Variants in DPP10 observed in about 807,000 individuals in gnomAD.
DPP10 encodes inactive dipeptidyl peptidase 10.
A neutral mutation model predicts 120.9 loss-of-function variants in DPP10; 33 were observed. That is an observed-to-expected ratio of 0.27 (90% CI 0.21 to 0.37). The LOEUF (loss-of-function observed/expected upper bound fraction) is 0.37. Among genes scored for constraint, DPP10 ranks in the 10% least tolerant of loss-of-function variants. The probability of loss-of-function intolerance (pLI) is 1.00; values close to 1 mark genes in which losing one functional copy is unlikely to be tolerated. For synonymous variants in DPP10, 337 were observed against 326.1 expected, an observed-to-expected ratio of 1.03 and a Z score of -0.36; for missense variants, 816 against 942.8, an observed-to-expected ratio of 0.87 and a Z score of 1.76.
At chr2:115,433,310 T>C (rs1410135794) in intron 3 of DPP10, among the ~76,000 whole-genome samples, 1 of 152,098 alleles carries the variant, frequency 6.6e-6, no homozygotes, top group Non-Finnish European at 1.5e-5. Context: ...TTCTATATAT[T>C]TACAGTCAAT....
intron 1 of DPP10, among the ~76,000 whole-genome samples, chr2:114,510,369 G>A (rs1272665004): frequency 6.6e-6 from 1 of 152,168 alleles, no homozygotes; most frequent in African/African-American, 2.4e-5. Context: ...ACTTTGGGAG[G>A]CCAAGGTGGG....
At chr2:115,653,508 T>C (rs1439955775) in intron 5 of DPP10, among the ~76,000 whole-genome samples, 1 of 152,022 alleles carries the variant, frequency 6.6e-6, no homozygotes, top group African/African-American at 2.4e-5. Context: ...GTACTTTATT[T>C]AATGCTCCTA....
chr2:114,704,416 G>T (rs1478104906), intron 1 of DPP10, among the ~76,000 whole-genome samples: 4 of 152,168 alleles, frequency 2.6e-5, no homozygotes, highest in African/African-American at 9.6e-5. Context: ...TGTGATAGAT[G>T]TGTGTAGATA....
At chr2:115,815,923 A>G (rs1019910139) in intron 21 of DPP10, among the ~76,000 whole-genome samples, 194 bp downstream of exon 21, 1 of 151,592 alleles carries the variant, frequency 6.6e-6, no homozygotes, top group African/African-American at 2.4e-5. Context: ...TCTGAAATGT[A>G]TATATATAAT....
chr2:114,642,320 G>A (rs552246898), intron 1 of DPP10, among the ~76,000 whole-genome samples: 1 of 152,000 alleles, frequency 6.6e-6, no homozygotes, highest in Admixed American at 6.5e-5. Flanking sequence ...GATCAAAGAG[G>A]TTAAGTGACT....
At chr2:114,770,566 GTAAT>G (rs1681159607) in intron 1 of DPP10, among the ~76,000 whole-genome samples, 1 of 152,100 alleles carries the variant, frequency 6.6e-6, no homozygotes, top group Non-Finnish European at 1.5e-5. Flanking sequence ...CCTTTATTTA[GTAAT>G]CTCAGTTATA....
intron 1 of DPP10, among the ~76,000 whole-genome samples, chr2:114,520,114 C>T (rs1262890687): frequency 1.3e-5 from 2 of 152,238 alleles, no homozygotes; most frequent in Non-Finnish European, 2.9e-5. Flanking sequence ...AGGAACAAAG[C>T]AGATAATCAT....
intron 19 of DPP10, among the ~76,000 whole-genome samples, chr2:115,792,828 G>A (rs1231593445): frequency 3.3e-5 from 5 of 152,284 alleles, no homozygotes; most frequent in East Asian, 3.9e-4. Flanking sequence ...TCAAGGAAGG[G>A]ACATCCCTCA....
chr2:115,835,397 T>C (rs1188719841), intron 21 of DPP10, among the ~76,000 whole-genome samples: 1 of 152,174 alleles, frequency 6.6e-6, no homozygotes, highest in African/African-American at 2.4e-5. Flanking sequence ...TCTCCATTGA[T>C]TGAGTCTTCG....
intron 3 of DPP10, among the ~76,000 whole-genome samples, chr2:115,494,901 T>A (rs1362358620): frequency 2.0e-5 from 3 of 152,142 alleles, no homozygotes; most frequent in Non-Finnish European, 4.4e-5. Context: ...TTGATTTAAT[T>A]TTAAAACACT....
chr2:115,032,053 T>C (rs1703878415), intron 1 of DPP10, among the ~76,000 whole-genome samples: 1 of 152,092 alleles, frequency 6.6e-6, no homozygotes, highest in Non-Finnish European at 1.5e-5. Flanking sequence ...GAGAAAAAAA[T>C]TAAACTTTGA....
intron 1 of DPP10, among the ~76,000 whole-genome samples, chr2:115,225,466 CTT>C (rs1373758417): frequency 1.3e-5 from 2 of 150,392 alleles, no homozygotes; most frequent in Admixed American, 6.7e-5. Flanking sequence ...CTTCGAAACA[CTT>C]ATATATTGAA....
At chr2:115,223,773 C>A (rs192613826) in intron 1 of DPP10, among the ~76,000 whole-genome samples, 1 of 151,942 alleles carries the variant, frequency 6.6e-6, no homozygotes, top group Non-Finnish European at 1.5e-5. Context: ...GGAATCTTTT[C>A]GAAGAAAATG....
rs142097951 is a variant in DPP10, at chr2:115,041,775, C to CATA, written c.61-267464_61-267463insATA. ...AGATACCTGGAAATCTCTTGCTGAC[C>CATA]TTATCCTTCATCATTTTAGCATGAG... On this transcript the variant is annotated intron_variant, in intron 1 of 25. Coordinates refer to ENST00000410059, the MANE Select transcript of DPP10 (RefSeq NM_020868.6). 7.7e-3 allele frequency among the ~76,000 whole-genome samples: 1,178 copies of CATA among 152,192 alleles called. 12 individuals are homozygous for CATA. Among genetic ancestry groups the CATA allele is most frequent in the African/African-American group, 0.027 (1,126 of 41,516 alleles).
chr2:114,633,764 C>T lies in DPP10; in HGVS notation c.60+190926C>T, dbSNP rs376993407. Among the ~76,000 whole-genome samples the T allele has an allele frequency of 2.6e-5, 4 of 151,640 alleles. No homozygotes were observed. The East Asian group carries it at 5.8e-4, about 22-fold the overall frequency. ...GATTAGCTGGATTACAGGTGCACAC[C>T]ACCATGTCTGGCTAATTTTTTTGTA... On this transcript the variant is annotated intron_variant, in intron 1 of 25. Transcript: ENST00000410059.
At chr2:115,728,454 T>A (rs2092820207) in intron 8 of DPP10, among the ~76,000 whole-genome samples, 1 of 152,090 alleles carries the variant, frequency 6.6e-6, no homozygotes, top group Admixed American at 6.5e-5. Flanking sequence ...GCTGAGAATA[T>A]AAAAATAAAT....
intron 1 of DPP10, among the ~76,000 whole-genome samples, chr2:115,201,925 C>T (rs2055758859): frequency 1.3e-5 from 2 of 152,146 alleles, no homozygotes; most frequent in Admixed American, 1.3e-4. Context: ...CTCATTTCCT[C>T]TCACACATTA....
At chr2:115,208,888 A>T (rs1212788894) in intron 1 of DPP10, among the ~76,000 whole-genome samples, 1 of 152,156 alleles carries the variant, frequency 6.6e-6, no homozygotes, top group African/African-American at 2.4e-5. Flanking sequence ...AAAAATATTC[A>T]TAATTCTTTT....
chr2:115,528,456 A>C (rs1322233405), intron 5 of DPP10, among the ~76,000 whole-genome samples: 2 of 151,760 alleles, frequency 1.3e-5, no homozygotes, highest in African/African-American at 4.8e-5. Flanking sequence ...TAAAAAAAAA[A>C]CTAAGCATAT....
Sources: allele counts gnomAD v4.1 joint callset (sites outside exome capture counted in the v4.1 genomes callset), GRCh38; gene constraint gnomAD v4.1.1; transcripts MANE v1.5; gene names NCBI Gene and HGNC (gene_info 2026-07-23, HGNC 2026-07-21).